ELOVL5: variants seen among roughly 807,000 people sequenced by gnomAD.
ELOVL5 encodes the protein ELOVL fatty acid elongase 5.
ELOVL5 carries 8 observed loss-of-function variants against 38.6 expected under a neutral mutation model. The observed-to-expected ratio is 0.21, with a 90% confidence interval of 0.12 to 0.37. The LOEUF is 0.37. ELOVL5 is among the 10% of genes least tolerant of loss of function. The pLI, the probability that ELOVL5 is intolerant of heterozygous loss-of-function variation, is 1.00. For missense variants in ELOVL5, 280 were observed against 367.8 expected, an observed-to-expected ratio of 0.76 and a Z score of 1.95; for synonymous variants, 127 against 133.7, an observed-to-expected ratio of 0.95 and a Z score of 0.34.
Position 53,296,704 on chromosome 6 carries a change from C to T in ELOVL5, c.-8-997G>A, listed in dbSNP as rs555360299. On this transcript the variant is annotated intron_variant, in intron 1 of 7. Transcript: ENST00000304434. The stretch of plus-strand genomic sequence containing the variant: ...CTTCTAAGATTCTATAGCTCCCTAC[C>T]TTCCCCAATTTAAGATTTACATTTA... 3.9e-5 allele frequency among the ~76,000 whole-genome samples: 6 copies of T among 152,248 alleles called. No homozygotes were observed. In the South Asian group the frequency reaches 1.2e-3, roughly 32 times the overall value.
At chr6:53,302,111 G>A (rs1317921187) in intron 1 of ELOVL5, among the ~76,000 whole-genome samples, 1 of 152,094 alleles carries the variant, frequency 6.6e-6, no homozygotes, top group African/African-American at 2.4e-5. Flanking sequence ...AACTACCATA[G>A]CCTGGAATAC....
At chr6:53,340,777 AAG>A (rs1192585839) in intron 1 of ELOVL5, among the ~76,000 whole-genome samples, 1 of 152,176 alleles carries the variant, frequency 6.6e-6, no homozygotes, top group Non-Finnish European at 1.5e-5. Context: ...AAAATTGCCT[AAG>A]AGTACATTTC....
chr6:53,302,672 T>G (rs1767305934), intron 1 of ELOVL5, among the ~76,000 whole-genome samples: 1 of 151,926 alleles, frequency 6.6e-6, no homozygotes, highest in Non-Finnish European at 1.5e-5. Context: ...GTATAAGAAT[T>G]ATATTAAAGA....
At chr6:53,320,847 GCTT>G (rs949532416) in intron 1 of ELOVL5, among the ~76,000 whole-genome samples, 78 of 152,028 alleles carry the variant, frequency 5.1e-4, no homozygotes, top group African/African-American at 1.8e-3. Flanking sequence ...TTAGAAACCG[GCTT>G]ATTATCCCAA....
intron 1 of ELOVL5, among the ~76,000 whole-genome samples, chr6:53,337,924 AGAG>A (rs559928842): frequency 1.0e-3 from 154 of 152,310 alleles, no homozygotes; most frequent in Non-Finnish European, 1.8e-3. Context: ...GGTTGATGAG[AGAG>A]GAGAACACAA....
chr6:53,328,064 C>T (rs751945326), intron 1 of ELOVL5, among the ~76,000 whole-genome samples: 11 of 152,028 alleles, frequency 7.2e-5, no homozygotes, highest in Admixed American at 2.0e-4. Flanking sequence ...AAAAACCTAC[C>T]GGCTACCACA....
intron 3 of ELOVL5, among the ~76,000 whole-genome samples, chr6:53,282,274 C>T (rs1043772295): frequency 1.3e-5 from 2 of 152,252 alleles, no homozygotes; most frequent in African/African-American, 4.8e-5. Flanking sequence ...CCCACTGACG[C>T]CTGCTTTGCA....
intron 1 of ELOVL5, chr6:53,337,299 C>T (rs1000631904): frequency 6.6e-6 from 1 of 152,290 alleles, no homozygotes; most frequent in African/African-American, 2.4e-5. Flanking sequence ...TGCAGAGCAC[C>T]ACAGCTATGG....
At chr6:53,269,673 G>A (rs1049159473) in intron 7 of ELOVL5, among the ~76,000 whole-genome samples, 1 of 152,168 alleles carries the variant, frequency 6.6e-6, no homozygotes, top group Admixed American at 6.5e-5. Context: ...GTTCCTCACT[G>A]CCTCGGCGAC....
chr6:53,296,179 T>G (rs1209441572), intron 1 of ELOVL5, among the ~76,000 whole-genome samples: 4 of 151,930 alleles, frequency 2.6e-5, no homozygotes, highest in Admixed American at 2.6e-4. Flanking sequence ...CAGTACTTCA[T>G]ATCTACAGTA....
chr6:53,280,641 G>C (rs1219495285), intron 3 of ELOVL5, among the ~76,000 whole-genome samples: 1 of 152,190 alleles, frequency 6.6e-6, no homozygotes, highest in African/African-American at 2.4e-5. Context: ...TGCTCAGGCT[G>C]GTGTGCAGTG....
intron 3 of ELOVL5, among the ~76,000 whole-genome samples, chr6:53,285,261 T>C (rs1401547541): frequency 6.6e-6 from 1 of 152,218 alleles, no homozygotes; most frequent in Non-Finnish European, 1.5e-5. Context: ...AAAGCATTAG[T>C]AGCCTTATTG....
chr6:53,281,897 T>A (rs1391552620), intron 3 of ELOVL5, among the ~76,000 whole-genome samples: 1 of 151,922 alleles, frequency 6.6e-6, no homozygotes, highest in Non-Finnish European at 1.5e-5. Flanking sequence ...TTGGCTAAGT[T>A]AAAAAAGACA....
chr6:53,298,379 C>T (rs1404835714), intron 1 of ELOVL5, among the ~76,000 whole-genome samples: 1 of 134,396 alleles, frequency 7.4e-6, no homozygotes, highest in East Asian at 2.1e-4. Flanking sequence ...GTAATATTAA[C>T]TTACTTACTT....
At chr6:53,305,601 C>T (rs1395593341) in intron 1 of ELOVL5, among the ~76,000 whole-genome samples, 2 of 141,246 alleles carry the variant, frequency 1.4e-5, no homozygotes, top group East Asian at 2.2e-4. Flanking sequence ...ACATCTCAGA[C>T]GATGGGCGGC....
intron 1 of ELOVL5, among the ~76,000 whole-genome samples, chr6:53,317,538 C>T (rs1768104385): frequency 6.6e-6 from 1 of 151,760 alleles, no homozygotes. Context: ...CAAACTATCG[C>T]AAGGACAAAA....
chr6:53,307,307 C>T (rs1581960768), intron 1 of ELOVL5, among the ~76,000 whole-genome samples: 1 of 152,118 alleles, frequency 6.6e-6, no homozygotes, highest in East Asian at 1.9e-4. Flanking sequence ...GGTTCAAATC[C>T]CTGCTTCACC....
At chr6:53,314,951 TTA>T (rs1243707370) in intron 1 of ELOVL5, among the ~76,000 whole-genome samples, 2 of 152,248 alleles carry the variant, frequency 1.3e-5, no homozygotes, top group Non-Finnish European at 2.9e-5. Flanking sequence ...TTAAAATGTA[TTA>T]TGTTTTTCTC....
At chr6:53,280,214 G>T (rs1766299024) in intron 3 of ELOVL5, among the ~76,000 whole-genome samples, 1 of 152,180 alleles carries the variant, frequency 6.6e-6, no homozygotes, top group Non-Finnish European at 1.5e-5. Context: ...GGGCTTCTGA[G>T]AATCAGATCG....
Sources: gnomAD v4.1 joint callset for allele counts (sites outside exome capture counted in the v4.1 genomes callset) on GRCh38, gnomAD v4.1.1 for gene constraint, MANE v1.5 for transcripts, NCBI Gene and HGNC (gene_info 2026-07-23, HGNC 2026-07-21) for gene names.